The following VPS41 variants were observed in gnomAD, a reference collection of about 807,000 sequenced individuals.
The protein encoded by VPS41 is VPS41 subunit of HOPS complex.
VPS41 carries 85 observed loss-of-function variants against 130.9 expected under a neutral mutation model. The ratio of observed to expected loss-of-function variants is 0.65; its 90% CI spans 0.55 to 0.78. VPS41 has a LOEUF of 0.78. Among genes scored for constraint, VPS41 ranks in the 30% least tolerant of loss-of-function variants. The probability of loss-of-function intolerance (pLI) is 0.00; values close to 1 mark genes in which losing one functional copy is unlikely to be tolerated. For synonymous variants in VPS41, 335 were observed against 332.9 expected (o/e 1.01, Z -0.07); for missense variants, 874 against 1,018.7 (o/e 0.86, Z 1.93).
intron 4 of VPS41, among the ~76,000 whole-genome samples, chr7:38,831,931 A>G (rs926844207): frequency 1.3e-5 from 2 of 152,176 alleles, no homozygotes; most frequent in African/African-American, 2.4e-5. Flanking sequence ...ATTATGGGGG[A>G]AAAAAATCAT....
chr7:38,894,064 G>A (rs146137234), intron 2 of VPS41, among the ~76,000 whole-genome samples: 1 of 152,056 alleles, frequency 6.6e-6, no homozygotes, highest in Admixed American at 6.6e-5. Flanking sequence ...ATTCTTTATG[G>A]AAATGGAAAT....
intron 10 of VPS41, among the ~76,000 whole-genome samples, chr7:38,777,660 C>G (rs964774963): frequency 6.6e-6 from 1 of 152,196 alleles, no homozygotes; most frequent in African/African-American, 2.4e-5. Context: ...GGAGTAAACT[C>G]TTGTTCTGAC....
chr7:38,726,258 C>T lies in VPS41; in HGVS notation c.2553G>A (p.Glu851=), dbSNP rs1252270468. 1 of 1,608,568 alleles carries T rather than the reference C, an allele frequency of 6.2e-7. No individual in the cohort carries two copies. The highest frequency in any genetic ancestry group is 8.5e-7 in the Non-Finnish European group (1 of 1,175,858). ...KNRGPGSAIL[E]MKK is the part of the protein sequence containing the mutation. ...AAGGAGAAATGAGCTATTTTTTCAT[C>T]TCCAAAATTGCACTTCCTGGTCCAC... The change falls in exon 29 of 29, where the codon GAG becomes GAA. Residue 851 remains glutamate (E), a synonymous_variant. Coordinates refer to ENST00000310301, the MANE Select transcript of VPS41 (RefSeq NM_014396.4).
intron 9 of VPS41, among the ~76,000 whole-genome samples, chr7:38,790,307 A>ATCT (rs10643582): frequency 0.99 from 151,340 of 152,278 alleles, 75,209 homozygotes; most frequent in African/African-American, 1. Context: ...ACCATTAATA[A>ATCT]TCTTTTTTAT....
intron 7 of VPS41, among the ~76,000 whole-genome samples, chr7:38,810,782 T>C (rs1464123906): frequency 6.6e-6 from 1 of 152,198 alleles, no homozygotes; most frequent in African/African-American, 2.4e-5. Flanking sequence ...CATATGTCTT[T>C]ATTCTCTTTT....
intron 4 of VPS41, among the ~76,000 whole-genome samples, chr7:38,848,658 T>C (rs1393369386): frequency 6.6e-6 from 1 of 152,188 alleles, no homozygotes; most frequent in Admixed American, 6.5e-5. Flanking sequence ...GTGATTATGA[T>C]CCACACTTTA....
At chr7:38,838,172 C>T (rs751246019) in intron 4 of VPS41, among the ~76,000 whole-genome samples, 5 of 151,772 alleles carry the variant, frequency 3.3e-5, no homozygotes, top group Non-Finnish European at 7.4e-5. Flanking sequence ...AAATGCCTTA[C>T]GTACATCTAC....
intron 10 of VPS41, among the ~76,000 whole-genome samples, chr7:38,784,860 T>TC (rs1285011081): frequency 6.6e-6 from 1 of 151,886 alleles, no homozygotes; most frequent in African/African-American, 2.4e-5. Context: ...CTGCCTCTTT[T>TC]CCCCCATTTC....
chr7:38,774,578 T>C (rs1336649405), intron 11 of VPS41, among the ~76,000 whole-genome samples: 3 of 151,606 alleles, frequency 2.0e-5, no homozygotes, highest in African/African-American at 7.3e-5. Context: ...TGAAATATAT[T>C]TAAAAATTGA....
chr7:38,779,687 T>C (rs1784322040), intron 10 of VPS41, among the ~76,000 whole-genome samples: 1 of 152,220 alleles, frequency 6.6e-6, no homozygotes, highest in African/African-American at 2.4e-5. Context: ...ATTCTGTTTA[T>C]CTTTTATAGC....
At chr7:38,769,975 T>C (rs991071660) in intron 14 of VPS41, among the ~76,000 whole-genome samples, 14 of 152,266 alleles carry the variant, frequency 9.2e-5, no homozygotes, top group African/African-American at 3.1e-4. Flanking sequence ...ACCTATGTAG[T>C]AAACCCCTCA....
rs1455785137 is a variant in VPS41 at position 38,724,390 on chromosome 7, T to C, written c.*1856A>G. On this transcript the variant is annotated 3_prime_UTR_variant, in exon 29 of 29. Transcript: ENST00000310301. ...TAAGAACAAAACTGAAAACTAGCAG[T>C]GTAGCAGAAAGCACACTAGTCTTGG... 2 of 152,170 alleles carry C rather than the reference T, an allele frequency of 1.3e-5. No individual in the cohort carries two copies. 9.4% of individuals were successfully genotyped at this position (152,170 alleles called of 1,614,324 possible).
At chr7:38,756,213 T>TAC (rs3839727) in intron 19 of VPS41, among the ~76,000 whole-genome samples, 16,030 of 146,510 alleles carry the variant, frequency 0.11, 927 homozygotes, top group South Asian at 0.17. Flanking sequence ...AGATTTCTTT[T>TAC]ACACACACAC....
chr7:38,842,557 T>C (rs1421488879), intron 4 of VPS41, among the ~76,000 whole-genome samples: 3 of 152,202 alleles, frequency 2.0e-5, no homozygotes, highest in Non-Finnish European at 4.4e-5. Context: ...GTCCTACTGA[T>C]AAAGCCATTT....
chr7:38,895,155 C>A (rs1176009260), intron 2 of VPS41, among the ~76,000 whole-genome samples: 1 of 152,110 alleles, frequency 6.6e-6, no homozygotes, highest in Non-Finnish European at 1.5e-5. Context: ...AACCCCATCT[C>A]TACTAAAAAC....
At chr7:38,740,653 G>A (rs767338627) in intron 25 of VPS41, among the ~76,000 whole-genome samples, 1 of 152,054 alleles carries the variant, frequency 6.6e-6, no homozygotes, top group Non-Finnish European at 1.5e-5. Context: ...TCTCTCCCAT[G>A]AACCCAATTT....
At chr7:38,783,065 C>T (rs1784382024) in intron 10 of VPS41, among the ~76,000 whole-genome samples, 1 of 151,680 alleles carries the variant, frequency 6.6e-6, no homozygotes, top group Non-Finnish European at 1.5e-5. Context: ...GAGGCAGAGG[C>T]TGTAGTAAGC....
At chr7:38,881,680 T>C (rs534083066) in intron 2 of VPS41, among the ~76,000 whole-genome samples, 1 of 152,156 alleles carries the variant, frequency 6.6e-6, no homozygotes, top group African/African-American at 2.4e-5. Context: ...AAAACAATTC[T>C]CCGGTTGAGT....
intron 8 of VPS41, among the ~76,000 whole-genome samples, 157 bp from the exon 9 acceptor site, chr7:38,795,768 C>G (rs1011521731): frequency 1.3e-5 from 2 of 152,128 alleles, no homozygotes; most frequent in Non-Finnish European, 2.9e-5. Flanking sequence ...CCACACAAAC[C>G]CTGTGGGAAC....
Sources: gnomAD v4.1 joint callset for allele counts (sites outside exome capture counted in the v4.1 genomes callset) on GRCh38, gnomAD v4.1.1 for gene constraint, MANE v1.5 for transcripts, NCBI Gene and HGNC (gene_info 2026-07-23, HGNC 2026-07-21) for gene names.